Variants in NOC3L observed in about 807,000 individuals in gnomAD.
NOC3L encodes the protein NOC3 like DNA replication regulator.
A neutral mutation model predicts 102.5 loss-of-function variants in NOC3L; 85 were observed. That is an observed-to-expected ratio of 0.83 (90% CI 0.70 to 0.99). The LOEUF is 0.99. Ranked by LOEUF, NOC3L falls within the 50% of genes least tolerant of loss-of-function variation. NOC3L has a pLI of 0.00. For missense variants in NOC3L, 878 were observed against 914.9 expected (o/e 0.96, Z 0.52); for synonymous variants, 303 against 309.4 (o/e 0.98, Z 0.22).
Position 94,344,514 on chromosome 10 carries a change from T to A in NOC3L, c.1472A>T (p.His491Leu). The change falls in exon 13 of 21, where the codon CAC becomes CTC. Residue 491 changes from histidine (H) to leucine (L), a missense_variant and splice_region_variant. His to Leu is a moderately conservative substitution (Grantham distance 99, BLOSUM62 -3). Coordinates refer to ENST00000371361, the MANE Select transcript of NOC3L (RefSeq NM_022451.11). ...AAACACAATATTCAGAGTCTCTGTGTGCTGGCAGAGGAGACAGACAAAATG... is the reference window on the plus strand; with the variant it reads ...AAACACAATATTCAGAGTCTCTGTGAGCTGGCAGAGGAGACAGACAAAATG... ...SESTEKKLKL[H>L]TETLNIVFVT... is the part of the protein sequence containing the mutation. 6.2e-7 allele frequency: 1 copy of A among 1,607,326 alleles called. No homozygotes were observed.
intron 2 of NOC3L, among the ~76,000 whole-genome samples, chr10:94,359,384 T>C (rs1018907496): frequency 6.6e-6 from 1 of 151,862 alleles, no homozygotes; most frequent in Non-Finnish European, 1.5e-5. Context: ...AGAGCAGAGA[T>C]TGCAATGAGC....
rs1278967176 is a variant in NOC3L, at chr10:94,353,132, T to G, written c.697-75A>C. On this transcript the variant is annotated intron_variant, in intron 6 of 20. Coordinates refer to ENST00000371361, the MANE Select transcript of NOC3L (RefSeq NM_022451.11). ...ATGAACAAAAGACAACAGCCCCACA[T>G]CCGGCAAAACAAGCGGAATTCACAC... 4 of 1,252,098 alleles carry G rather than the reference T, an allele frequency of 3.2e-6. No individual in the cohort carries two copies. The Admixed American group carries it at 8.6e-5, about 27-fold the overall frequency. 77.6% of individuals were successfully genotyped at this position (1,252,098 alleles called of 1,614,324 possible).
chr10:94,346,314 A>G, intron 11 of NOC3L, 111 bp downstream of exon 11: 2 of 811,046 alleles, frequency 2.5e-6, no homozygotes, highest in Non-Finnish European at 3.6e-6. Context: ...GATGTATTTC[A>G]AAACTTTTAT....
intron 5 of NOC3L, among the ~76,000 whole-genome samples, chr10:94,355,557 T>C (rs183497943): frequency 2.0e-5 from 3 of 151,560 alleles, no homozygotes; most frequent in Admixed American, 2.0e-4. Flanking sequence ...CCCAGCTAAT[T>C]TTTGTGTTTT....
rs566945059 is a variant in NOC3L at position 94,338,742 on chromosome 10, A to G, written c.1963-6T>C. The G allele has an allele frequency of 1.9e-6, 3 of 1,609,036 alleles. No individual in the cohort carries two copies. The highest frequency in any genetic ancestry group is 2.5e-6 in the Non-Finnish European group (3 of 1,177,800). On this transcript the variant is annotated splice_region_variant and splice_polypyrimidine_tract_variant and intron_variant, in intron 17 of 20. Transcript: ENST00000371361. ...AGATCTGTTTTGGGGAAAGTCTGCA[A>G]AAATGTCACATAAAAAGAATTGGTT...
chr10:94,340,512 GGGGGGGTGA>G lies in NOC3L; in HGVS notation c.1645-25_1645-17del. 4 of 1,295,294 alleles carry G rather than the reference GGGGGGGTGA, an allele frequency of 3.1e-6. No homozygotes were observed. Among genetic ancestry groups the G allele is most frequent in the African/African-American group, 1.5e-5 (1 of 65,410 alleles). 80.2% of individuals were successfully genotyped at this position (1,295,294 alleles called of 1,614,324 possible). ...AGCTTAGGTCCTTTAAAAAAAAAAG[GGGGGGGTGA>G]GGGGGATGGAATATTAAGAATGGTA... On this transcript the variant is annotated splice_polypyrimidine_tract_variant and intron_variant, in intron 14 of 20. Coordinates refer to ENST00000371361, the MANE Select transcript of NOC3L (RefSeq NM_022451.11).
At chr10:94,327,706 AAC>A in the NOC3L span, among the ~76,000 whole-genome samples, 1 of 152,236 alleles carries the variant, frequency 6.6e-6, no homozygotes, top group African/African-American at 2.4e-5. Context: ...CTTAAAGTTG[AAC>A]AGTTTATTTG....
At chr10:94,352,821 CA>C (rs878868350) in intron 7 of NOC3L, 74 bp downstream of exon 7, 33,182 of 950,036 alleles carry the variant, frequency 0.035, no homozygotes, top group East Asian at 0.042. Context: ...AACTCTGCCT[CA>C]AAAAAAAAAA....
Position 94,362,832 on chromosome 10 carries a change from C to T in NOC3L, c.7G>A (p.Ala3Thr). The T allele has an allele frequency of 6.2e-7, 1 of 1,613,962 alleles. No homozygotes were observed. Among genetic ancestry groups the T allele is most frequent in the Non-Finnish European group, 8.5e-7 (1 of 1,179,936 alleles). Residue 3 changes from alanine (A) to threonine (T), a missense_variant and splice_region_variant, in exon 1 of 21, where the codon GCG (alanine) becomes ACG (threonine). Ala to Thr is a moderately conservative substitution (Grantham distance 58). Transcript: ENST00000371361. MK[A>T]RRNKKQIPSF... is the part of the protein sequence containing the mutation. ...ACCGGGCTTTTGAGGACACTTACCG[C>T]CTTCATCCTTAGGCCTTAAATGAAT... is the stretch of plus-strand genomic sequence containing the variant.
chr10:94,318,473 A>G, the NOC3L span, among the ~76,000 whole-genome samples: 1 of 152,214 alleles, frequency 6.6e-6, no homozygotes, highest in South Asian at 2.1e-4. Context: ...GATATAATGG[A>G]AACCATTTTA....
downstream of NOC3L, chr10:94,330,415 C>T (rs1258272731): frequency 6.6e-6 from 1 of 152,250 alleles, no homozygotes; most frequent in Non-Finnish European, 1.5e-5. Context: ...CACAGTGGCT[C>T]ATGCCTGTAA....
chr10:94,325,152 A>G, the NOC3L span: 3 of 1,305,430 alleles, frequency 2.3e-6, no homozygotes, highest in Non-Finnish European at 3.3e-6. Context: ...AACTTAAACT[A>G]CTTTGTAAGG....
At chr10:94,340,571 G>C (rs1387109924) in intron 14 of NOC3L, 75 bp from the exon 15 acceptor site, 2 of 1,267,656 alleles carry the variant, frequency 1.6e-6, no homozygotes, top group Non-Finnish European at 1.1e-6. Context: ...CTTTAAAAAA[G>C]AACTTTAAGG....
the NOC3L span, among the ~76,000 whole-genome samples, chr10:94,327,042 G>A: frequency 6.6e-6 from 1 of 152,112 alleles, no homozygotes; most frequent in Non-Finnish European, 1.5e-5. Context: ...TGCGCAGGTA[G>A]TCCCAGCTAC....
chr10:94,349,735 G>A (rs114956336), intron 9 of NOC3L, among the ~76,000 whole-genome samples: 2,780 of 151,886 alleles, frequency 0.018, 30 homozygotes, highest in South Asian at 0.041. Context: ...AAAATCACAT[G>A]GTGTATAATT....
chr10:94,318,149 T>C, the NOC3L span, among the ~76,000 whole-genome samples: 1 of 152,172 alleles, frequency 6.6e-6, no homozygotes, highest in Non-Finnish European at 1.5e-5. Context: ...TGAAAGGGCA[T>C]TTAATTTAAG....
rs1027653535 is a variant in NOC3L at position 94,333,385 on chromosome 10, T to C, written c.*792A>G. The C allele has an allele frequency of 2.0e-4, 31 of 152,184 alleles. No homozygotes were observed. The highest frequency in any genetic ancestry group is 6.8e-4 in the African/African-American group (28 of 41,458). 9.4% of individuals were successfully genotyped at this position (152,184 alleles called of 1,614,324 possible). ...TAATTATATTAATAAGAAAAAGCAT[T>C]TTACCTGTTCCAAGAGGGGAAAAAA... On this transcript the variant is annotated 3_prime_UTR_variant, in exon 21 of 21. Transcript: ENST00000371361.
At chr10:94,318,455 T>C in the NOC3L span, among the ~76,000 whole-genome samples, 1 of 152,218 alleles carries the variant, frequency 6.6e-6, no homozygotes, top group African/African-American at 2.4e-5. Flanking sequence ...TCAAACACTA[T>C]GTTGAATGAT....
Position 94,352,313 on chromosome 10 carries a change from T to C in NOC3L, c.949A>G (p.Lys317Glu). 6.3e-7 allele frequency: 1 copy of C among 1,591,452 alleles called. No homozygotes were observed. Among genetic ancestry groups the C allele is most frequent in the South Asian group, 1.1e-5 (1 of 90,114 alleles). ...TTTGAAGATATGTTTAATATACCTTTAACCATTTGTTCCAGATTTTCCAAA... is the reference window on the plus strand; with the variant it reads ...TTTGAAGATATGTTTAATATACCTTCAACCATTTGTTCCAGATTTTCCAAA... ...FYLENLEQMVKDWKQRKLKKS... is the reference protein window; with the variant it reads ...FYLENLEQMVEDWKQRKLKKS... The change falls in exon 8 of 21, where the codon AAA becomes GAA. Residue 317 changes from lysine to glutamate, a missense_variant. By Grantham distance (56) the Lys-to-Glu change is moderately conservative. Transcript: ENST00000371361.
Sources: allele counts gnomAD v4.1 joint callset (sites outside exome capture counted in the v4.1 genomes callset), GRCh38; gene constraint gnomAD v4.1.1; transcripts MANE v1.5; gene names NCBI Gene and HGNC (gene_info 2026-07-23, HGNC 2026-07-21).